The following GLYR1 variants were observed in gnomAD, a reference collection of about 807,000 sequenced individuals.
The protein encoded by GLYR1 is glyoxylate reductase 1 homolog.
A neutral mutation model predicts 72.7 loss-of-function variants in GLYR1; 21 were observed. The ratio of observed to expected loss-of-function variants is 0.29; its 90% CI spans 0.20 to 0.42. The LOEUF (loss-of-function observed/expected upper bound fraction) is 0.42, where lower values mean the gene tolerates loss of function less well. Ranked by LOEUF, GLYR1 falls within the 10% of genes least tolerant of loss-of-function variation. GLYR1 has a pLI of 1.00. For synonymous variants in GLYR1, 392 were observed against 270.2 expected, an observed-to-expected ratio of 1.45 and a Z score of -4.42; for missense variants, 594 against 712.1, an observed-to-expected ratio of 0.83 and a Z score of 1.89.
chr16:4,838,587 T>TTTTC (rs112882173), intron 3 of GLYR1, among the ~76,000 whole-genome samples: 12,025 of 151,534 alleles, frequency 0.079, 474 homozygotes, highest in African/African-American at 0.091. Context: ...CTGATGAAAC[T>TTTTC]TTTCTTTTTT....
At chr16:4,824,698 A>G (rs2084268280) in intron 5 of GLYR1, among the ~76,000 whole-genome samples, 1 of 152,124 alleles carries the variant, frequency 6.6e-6, no homozygotes, top group Non-Finnish European at 1.5e-5. Flanking sequence ...ACAGGAGGAC[A>G]TGGTGAGATG....
intron 3 of GLYR1, among the ~76,000 whole-genome samples, chr16:4,836,570 G>C (rs1047604158): frequency 2.0e-5 from 3 of 152,174 alleles, no homozygotes; most frequent in Admixed American, 6.5e-5. Context: ...TCATTACAGA[G>C]AAGGAAAGCG....
At chr16:4,828,127 T>G (rs1307995912) in intron 5 of GLYR1, among the ~76,000 whole-genome samples, 1 of 151,682 alleles carries the variant, frequency 6.6e-6, no homozygotes, top group Non-Finnish European at 1.5e-5. Flanking sequence ...TGGGGTGCAG[T>G]GGCGTGATCT....
chr16:4,813,214 C>T (rs902904230), intron 12 of GLYR1, among the ~76,000 whole-genome samples: 14 of 152,246 alleles, frequency 9.2e-5, no homozygotes, highest in East Asian at 1.9e-4. Context: ...CCGCCCACCT[C>T]GGCCTCCCAA....
chr16:4,832,004 C>T lies in GLYR1; in HGVS notation c.512G>A (p.Arg171Gln), dbSNP rs2084831866. ...KRAQEQSPRK[R>Q]GRPPKDEKDL... Reference sequence around the variant, plus strand: ...CTTCTCATCCTTTGGGGGCCGACCCCGCTTCCGGGGACTTTGCTCTTGGGC... The same window carrying T: ...CTTCTCATCCTTTGGGGGCCGACCCTGCTTCCGGGGACTTTGCTCTTGGGC... The change falls in exon 5 of 16, where the codon CGG (arginine) becomes CAG (glutamine). Residue 171 changes from arginine to glutamine, a missense_variant. Physicochemically the swap from Arg to Gln is conservative, Grantham distance 43 (BLOSUM62 1). Coordinates refer to ENST00000321919, the MANE Select transcript of GLYR1 (RefSeq NM_032569.4). 2 of 1,613,788 alleles carry T rather than the reference C, an allele frequency of 1.2e-6. No homozygotes were observed. The highest frequency in any genetic ancestry group is 1.7e-6 in the Non-Finnish European group (2 of 1,179,918).
rs2082803692 is a variant in GLYR1 at position 4,803,510 on chromosome 16, T to C, written c.*1726A>G. On this transcript the variant is annotated 3_prime_UTR_variant, in exon 16 of 16. Transcript: ENST00000321919. ...CAGAAATATTCATAAAAAGGAACTTTACAGAATTGTCAACAATATTAAGAC... is the reference window on the plus strand; with the variant it reads ...CAGAAATATTCATAAAAAGGAACTTCACAGAATTGTCAACAATATTAAGAC... 1 of 152,698 alleles carries C rather than the reference T, an allele frequency of 6.5e-6. No individual in the cohort carries two copies. The highest frequency in any genetic ancestry group is 1.5e-5 in the Non-Finnish European group (1 of 68,024). The allele number at this position is 152,698 out of a possible 1,614,324, so 9.5% of individuals were successfully genotyped here.
At chr16:4,835,720 A>C (rs1214828921) in intron 3 of GLYR1, among the ~76,000 whole-genome samples, 1 of 152,152 alleles carries the variant, frequency 6.6e-6, no homozygotes, top group Non-Finnish European at 1.5e-5. Flanking sequence ...AATCCCAGCT[A>C]CTCGGAAGGC....
At chr16:4,807,610 C>T in intron 15 of GLYR1, among the ~76,000 whole-genome samples, 1 of 152,142 alleles carries the variant, frequency 6.6e-6, no homozygotes, top group East Asian at 1.9e-4. Context: ...TCATACCATC[C>T]AAACGACCTG....
intron 7 of GLYR1, 41 bp from the exon 8 acceptor site, chr16:4,821,638 G>A (rs1215494918): frequency 7.6e-6 from 12 of 1,570,888 alleles, no homozygotes; most frequent in Middle Eastern, 1.9e-4. Context: ...TGCTACTGCA[G>A]GCTTAACCAG....
chr16:4,830,026 A>G (rs189970484), intron 5 of GLYR1, among the ~76,000 whole-genome samples: 1 of 151,338 alleles, frequency 6.6e-6, no homozygotes, highest in East Asian at 2.0e-4. Flanking sequence ...CTGGTCTAGA[A>G]CTCCTGGGCT....
At chr16:4,823,005 A>G in intron 6 of GLYR1, 74 bp from the exon 7 acceptor site, 2 of 1,214,464 alleles carry the variant, frequency 1.6e-6, no homozygotes, top group Non-Finnish European at 2.5e-6. Context: ...TGGTAACTGG[A>G]CTCTCCTCTG....
chr16:4,814,405 G>C, intron 11 of GLYR1, 132 bp downstream of exon 11: 2 of 705,080 alleles, frequency 2.8e-6, no homozygotes, highest in Admixed American at 4.3e-5. Context: ...CACAATGGGA[G>C]ATGGCCCCTG....
chr16:4,819,016 C>G (rs1461004463), intron 9 of GLYR1, among the ~76,000 whole-genome samples: 2 of 152,182 alleles, frequency 1.3e-5, no homozygotes, highest in African/African-American at 2.4e-5. Context: ...GCTGCTATTT[C>G]AACATGCTTT....
intron 14 of GLYR1, 108 bp downstream of exon 14, chr16:4,811,515 T>C: frequency 1.4e-6 from 2 of 1,418,704 alleles, no homozygotes; most frequent in Non-Finnish European, 1.9e-6. Flanking sequence ...CTGGCCAGGG[T>C]CAGGGACTGA....
chr16:4,837,486 C>G (rs908748380), intron 3 of GLYR1, among the ~76,000 whole-genome samples: 1 of 151,834 alleles, frequency 6.6e-6, no homozygotes, highest in African/African-American at 2.4e-5. Flanking sequence ...AGATGTCAGC[C>G]TATGACTAAT....
intron 6 of GLYR1, among the ~76,000 whole-genome samples, chr16:4,823,175 A>T (rs2084151397): frequency 6.6e-6 from 1 of 152,256 alleles, no homozygotes; most frequent in Non-Finnish European, 1.5e-5. Flanking sequence ...GTTGGTACAC[A>T]AATTATTCCA....
chr16:4,826,823 A>G (rs1327024149), intron 5 of GLYR1, among the ~76,000 whole-genome samples: 1 of 152,188 alleles, frequency 6.6e-6, no homozygotes, highest in African/African-American at 2.4e-5. Context: ...TGGCTGGGGC[A>G]GCACAGCTGT....
At chr16:4,841,972 T>C (rs902562329) in intron 3 of GLYR1, among the ~76,000 whole-genome samples, 20 of 152,214 alleles carry the variant, frequency 1.3e-4, no homozygotes, top group Non-Finnish European at 2.6e-4. Context: ...CTGAGTGCGA[T>C]GGCTCACGCC....
chr16:4,811,307 A>C lies in GLYR1; in HGVS notation c.1463-13T>G. On this transcript the variant is annotated splice_polypyrimidine_tract_variant and intron_variant, in intron 14 of 15. Transcript: ENST00000321919. ...CCTTGCAGGATATCTGAGGAGAAAA[A>C]GCCAGTATCAGACAAAAGCCAAGGA... 6.2e-7 allele frequency: 1 copy of C among 1,613,302 alleles called. No homozygotes were observed. The highest frequency in any genetic ancestry group is 8.5e-7 in the Non-Finnish European group (1 of 1,179,784).
Sources: allele counts gnomAD v4.1 joint callset (sites outside exome capture counted in the v4.1 genomes callset), GRCh38; gene constraint gnomAD v4.1.1; transcripts MANE v1.5; gene names NCBI Gene and HGNC (gene_info 2026-07-23, HGNC 2026-07-21).